CSMD1: variants seen among roughly 807,000 people sequenced by gnomAD.
CSMD1 encodes the protein CUB and Sushi multiple domains 1.
CSMD1 carries 213 observed loss-of-function variants against 417.5 expected under a neutral mutation model. The observed-to-expected ratio is 0.51, with a 90% CI of 0.46 to 0.57. The LOEUF (loss-of-function observed/expected upper bound fraction) is 0.57. CSMD1 is among the 20% of genes least tolerant of loss of function. CSMD1 has a pLI of 0.00. For missense variants in CSMD1, 6,923 were observed against 4,529.7 expected (o/e 1.53, Z -15.17); for synonymous variants, 2,862 against 1,736.8 (o/e 1.65, Z -16.11).
intron 54 of CSMD1, among the ~76,000 whole-genome samples, chr8:2,993,551 C>G (rs1806598782): frequency 6.6e-6 from 1 of 152,052 alleles, no homozygotes; most frequent in African/African-American, 2.4e-5. Flanking sequence ...AAGTCGGCTT[C>G]CAATTATTTG....
At chr8:3,879,115 T>A (rs1007908226) in intron 5 of CSMD1, among the ~76,000 whole-genome samples, 1 of 152,178 alleles carries the variant, frequency 6.6e-6, no homozygotes, top group Non-Finnish European at 1.5e-5. Context: ...TCTTGAATCT[T>A]AGGTGTTCAA....
chr8:4,425,888 A>T (rs1270314286), intron 2 of CSMD1, among the ~76,000 whole-genome samples: 1 of 152,148 alleles, frequency 6.6e-6, no homozygotes, highest in Non-Finnish European at 1.5e-5. Flanking sequence ...ACAAAATATG[A>T]CATATGTTAC....
intron 1 of CSMD1, among the ~76,000 whole-genome samples, chr8:4,950,130 T>C (rs988553389): frequency 6.6e-6 from 1 of 152,176 alleles, no homozygotes; most frequent in Non-Finnish European, 1.5e-5. Context: ...AAGATTTTAA[T>C]ATATGTCTAT....
chr8:3,566,228 G>C (rs940283623), intron 10 of CSMD1, among the ~76,000 whole-genome samples: 2 of 151,766 alleles, frequency 1.3e-5, no homozygotes, highest in Admixed American at 6.6e-5. Flanking sequence ...AAGAGGAAGG[G>C]GATGAGAAAA....
intron 3 of CSMD1, among the ~76,000 whole-genome samples, chr8:4,398,491 C>T (rs1187108960): frequency 1.4e-5 from 2 of 140,354 alleles, no homozygotes; most frequent in African/African-American, 5.2e-5. Context: ...CTCCTGGGTT[C>T]ACGCCATTCT....
chr8:3,620,906 G>C (rs1310199729), intron 7 of CSMD1, among the ~76,000 whole-genome samples: 1 of 152,146 alleles, frequency 6.6e-6, no homozygotes, highest in Non-Finnish European at 1.5e-5. Context: ...ACACCTTGAA[G>C]TTCTAAACAC....
intron 50 of CSMD1, among the ~76,000 whole-genome samples, chr8:3,034,888 G>A (rs75798531): frequency 0.037 from 5,664 of 152,182 alleles, 344 homozygotes; most frequent in African/African-American, 0.13. Flanking sequence ...AATATGACTC[G>A]AACATCACAG....
chr8:3,520,039 T>TATATATATATATATAC (rs545212684), intron 10 of CSMD1, among the ~76,000 whole-genome samples: 3,454 of 146,920 alleles, frequency 0.024, 74 homozygotes, highest in Middle Eastern at 0.039. Context: ...TATATATATA[T>TATATATATATATATAC]ACACGTATAG....
rs117902851 is a variant in CSMD1 at position 3,379,441 on chromosome 8, T to C, written c.2782+8053A>G. Among the ~76,000 whole-genome samples the C allele has an allele frequency of 1.6e-3, 242 of 152,238 alleles. 8 individuals are homozygous for C. The East Asian group carries it at 0.042, about 26-fold the overall frequency. ...CCAAAAAAGAGCCCATATAGCCAAA[T>C]GAATCCTAAGCCAAAAGAACATAGT... On this transcript the variant is annotated intron_variant, in intron 18 of 69. Transcript: ENST00000635120.
chr8:4,906,611 T>G (rs1371837125), intron 1 of CSMD1, among the ~76,000 whole-genome samples: 1 of 151,102 alleles, frequency 6.6e-6, no homozygotes, highest in South Asian at 2.1e-4. Context: ...CAGGTTGAAG[T>G]GCAGTGGCAC....
intron 17 of CSMD1, among the ~76,000 whole-genome samples, chr8:3,390,685 A>G (rs1811297775): frequency 6.6e-6 from 1 of 152,174 alleles, no homozygotes; most frequent in African/African-American, 2.4e-5. Context: ...TCTTTGCAAA[A>G]TAAGTGACTG....
At chr8:3,405,587 T>C (rs1344454842) in intron 15 of CSMD1, among the ~76,000 whole-genome samples, 3 of 144,590 alleles carry the variant, frequency 2.1e-5, no homozygotes, top group Admixed American at 7.1e-5. Context: ...CAGATGAATT[T>C]AGTTAGGATA....
At chr8:4,411,409 A>C (rs758796831) in intron 3 of CSMD1, among the ~76,000 whole-genome samples, 1 of 152,140 alleles carries the variant, frequency 6.6e-6, no homozygotes, top group Non-Finnish European at 1.5e-5. Flanking sequence ...TTCATTAACC[A>C]TTTGAAAAAA....
chr8:4,814,160 C>A (rs1389082478), intron 1 of CSMD1, among the ~76,000 whole-genome samples: 1 of 152,144 alleles, frequency 6.6e-6, no homozygotes, highest in East Asian at 1.9e-4. Flanking sequence ...GTGAAAACTG[C>A]AAGAAAATTA....
intron 5 of CSMD1, among the ~76,000 whole-genome samples, chr8:3,964,725 T>A (rs1028083080): frequency 1.3e-5 from 2 of 152,224 alleles, no homozygotes; most frequent in Non-Finnish European, 2.9e-5. Flanking sequence ...TCCATTGCAA[T>A]GTACTTGCGT....
At chr8:4,154,409 G>C (rs1306198608) in intron 3 of CSMD1, among the ~76,000 whole-genome samples, 4 of 152,196 alleles carry the variant, frequency 2.6e-5, no homozygotes, top group Non-Finnish European at 5.9e-5. Flanking sequence ...TATAGACAAA[G>C]GCATTTAGCA....
intron 10 of CSMD1, among the ~76,000 whole-genome samples, chr8:3,527,587 TAC>T (rs150049730): frequency 6.6e-5 from 10 of 151,060 alleles, no homozygotes; most frequent in Non-Finnish European, 8.9e-5. Flanking sequence ...CAGAACTCTA[TAC>T]ACACACACAC....
chr8:4,116,966 A>AGGT (rs1802190037), intron 3 of CSMD1, among the ~76,000 whole-genome samples: 1 of 152,058 alleles, frequency 6.6e-6, no homozygotes, highest in Non-Finnish European at 1.5e-5. Context: ...TCAGGCTGGT[A>AGGT]AGAGGCTACA....
rs146906259 is a variant in CSMD1 at position 4,507,103 on chromosome 8, T to C, written c.303-87038A>G. 5.7e-3 allele frequency among the ~76,000 whole-genome samples: 865 copies of C among 152,280 alleles called. 8 individuals carry two copies. Among genetic ancestry groups the C allele is most frequent in the African/African-American group, 0.02 (823 of 41,570 alleles). On this transcript the variant is annotated intron_variant, in intron 2 of 69. Coordinates refer to ENST00000635120, the MANE Select transcript of CSMD1 (RefSeq NM_033225.6). ...TGATTACCTTGATTCCTGTTTATTA[T>C]CCTACACTTTGATACATTTCATAAG...
Sources: allele counts gnomAD v4.1 joint callset (sites outside exome capture counted in the v4.1 genomes callset), GRCh38; gene constraint gnomAD v4.1.1; transcripts MANE v1.5; gene names NCBI Gene and HGNC (gene_info 2026-07-23, HGNC 2026-07-21).